SPMIP2: variants seen among roughly 807,000 people sequenced by gnomAD.
SPMIP2 encodes protein SPMIP2.
the SPMIP2 span, among the ~76,000 whole-genome samples, chr4:158,967,716 T>TA: frequency 2.5e-3 from 380 of 152,326 alleles, no homozygotes; most frequent in African/African-American, 8.5e-3. Context: ...AATTTGGGGA[T>TA]AAAAAATGCA....
At chr4:159,043,369 C>T in the SPMIP2 span, among the ~76,000 whole-genome samples, 2 of 151,996 alleles carry the variant, frequency 1.3e-5, no homozygotes, top group Non-Finnish European at 2.9e-5. Context: ...TTTTTTGAGA[C>T]GGAGTCTCAC....
At chr4:158,972,995 C>T in the SPMIP2 span, 27 of 920,772 alleles carry the variant, frequency 2.9e-5, no homozygotes, top group Non-Finnish European at 3.4e-5. Context: ...ATCAAGCACC[C>T]GACATTTCCT....
chr4:159,029,599 A>G, the SPMIP2 span, among the ~76,000 whole-genome samples: 2 of 152,230 alleles, frequency 1.3e-5, no homozygotes, highest in Non-Finnish European at 2.9e-5. Flanking sequence ...ACTCAAAAAG[A>G]AGAGAAATGA....
chr4:158,943,084 A>G, the SPMIP2 span, among the ~76,000 whole-genome samples: 10 of 152,248 alleles, frequency 6.6e-5, no homozygotes, highest in Non-Finnish European at 1.5e-4. Context: ...ATTTAAATAT[A>G]AAGTGATAAC....
chr4:158,977,600 CTTTTTTTT>C, the SPMIP2 span, among the ~76,000 whole-genome samples: 683 of 72,426 alleles, frequency 9.4e-3, 6 homozygotes, highest in African/African-American at 0.037. Context: ...TCCTTCAGTT[CTTTTTTTT>C]TTTTTTTTTT....
chr4:158,895,626 G>A, the SPMIP2 span: 1 of 631,408 alleles, frequency 1.6e-6, no homozygotes. Flanking sequence ...GATTTTTTAA[G>A]TGTATTTGAA....
At chr4:158,932,748 G>A in the SPMIP2 span, among the ~76,000 whole-genome samples, 104,593 of 152,022 alleles carry the variant, frequency 0.69, 36,175 homozygotes, top group East Asian at 0.9. Flanking sequence ...TTTGGGTACA[G>A]GGCTTCTCAA....
At chr4:159,070,011 T>C in the SPMIP2 span, among the ~76,000 whole-genome samples, 1 of 152,048 alleles carries the variant, frequency 6.6e-6, no homozygotes, top group South Asian at 2.1e-4. Flanking sequence ...GAATGACTAG[T>C]AACCTCTCGC....
chr4:159,036,928 C>A, the SPMIP2 span, among the ~76,000 whole-genome samples: 1 of 152,162 alleles, frequency 6.6e-6, no homozygotes, highest in African/African-American at 2.4e-5. Context: ...CTAGTTGTGT[C>A]TTTGAAACTA....
the SPMIP2 span, among the ~76,000 whole-genome samples, chr4:158,961,687 T>C: frequency 6.6e-6 from 1 of 152,118 alleles, no homozygotes; most frequent in African/African-American, 2.4e-5. Context: ...ATCTTCTTAA[T>C]TGGGGAAGAC....
At chr4:159,038,174 C>A in the SPMIP2 span, among the ~76,000 whole-genome samples, 1 of 152,154 alleles carries the variant, frequency 6.6e-6, no homozygotes, top group Non-Finnish European at 1.5e-5. Context: ...AAGGGATAGT[C>A]CTGGGTCAAA....
At chr4:158,938,704 T>C in the SPMIP2 span, among the ~76,000 whole-genome samples, 1 of 152,248 alleles carries the variant, frequency 6.6e-6, no homozygotes, top group African/African-American at 2.4e-5. Flanking sequence ...AAATCAAGCA[T>C]GTTGTCTTCC....
At chr4:158,976,659 A>T in the SPMIP2 span, among the ~76,000 whole-genome samples, 58 of 94,708 alleles carry the variant, frequency 6.1e-4, no homozygotes, top group African/African-American at 1.1e-3. Context: ...ATGGATAAGC[A>T]TTTTTTTTTT....
At chr4:158,972,680 T>A in the SPMIP2 span, among the ~76,000 whole-genome samples, 9 of 152,344 alleles carry the variant, frequency 5.9e-5, no homozygotes, top group Admixed American at 5.2e-4. Flanking sequence ...CAGTGAATCT[T>A]AAAGATCTGA....
chr4:158,943,460 A>G, the SPMIP2 span, among the ~76,000 whole-genome samples: 1 of 151,764 alleles, frequency 6.6e-6, no homozygotes, highest in Non-Finnish European at 1.5e-5. Flanking sequence ...CATTCCCATC[A>G]CTCTCATCAG....
At chr4:158,936,002 A>C in the SPMIP2 span, among the ~76,000 whole-genome samples, 1 of 152,052 alleles carries the variant, frequency 6.6e-6, no homozygotes, top group Non-Finnish European at 1.5e-5. Context: ...AATTCAATGA[A>C]CTCTCAGTAT....
the SPMIP2 span, among the ~76,000 whole-genome samples, chr4:158,997,232 T>C: frequency 3.2e-5 from 3 of 94,286 alleles, no homozygotes; most frequent in South Asian, 4.8e-4. Context: ...TGAATATGGC[T>C]TTTTTTTTTT....
chr4:159,035,620 A>G, the SPMIP2 span, among the ~76,000 whole-genome samples: 3 of 152,244 alleles, frequency 2.0e-5, no homozygotes, highest in Non-Finnish European at 4.4e-5. Flanking sequence ...ATATATAGAT[A>G]TATTTCCAGT....
the SPMIP2 span, among the ~76,000 whole-genome samples, chr4:158,983,986 G>T: frequency 9.4e-6 from 1 of 106,366 alleles, no homozygotes. Flanking sequence ...AAAGGCAGGG[G>T]TTGCAATCCT....
Sources: gnomAD v4.1 joint callset for allele counts (sites outside exome capture counted in the v4.1 genomes callset) on GRCh38, gnomAD v4.1.1 for gene constraint, MANE v1.5 for transcripts, NCBI Gene and HGNC (gene_info 2026-07-23, HGNC 2026-07-21) for gene names.